Variants in GPATCH2L observed in about 807,000 individuals in gnomAD.
GPATCH2L encodes G patch domain-containing protein 2-like.
Under a neutral mutation model 57.4 loss-of-function variants are expected in GPATCH2L, and 31 were observed. The observed-to-expected ratio is 0.54, with a 90% CI of 0.41 to 0.73. GPATCH2L has a LOEUF of 0.73. Among genes scored for constraint, GPATCH2L ranks in the 30% least tolerant of loss-of-function variants. The pLI is 0.00. For synonymous variants in GPATCH2L, 199 were observed against 210.7 expected, an observed-to-expected ratio of 0.94 and a Z score of 0.48; for missense variants, 481 against 599.9, an observed-to-expected ratio of 0.80 and a Z score of 2.07.
In GPATCH2L at chr14:76,204,498, C is replaced by G. The variant is rs2040353045; in HGVS notation, c.*2647C>G. On this transcript the variant is annotated 3_prime_UTR_variant, in exon 10 of 10. Transcript: ENST00000261530. ...TGCTTGCTTTCTGTATTAACCAGTT[C>G]CAGAGGATAGCCTTAGAAATGAGTG... 6.6e-6 allele frequency: 1 copy of G among 152,108 alleles called. No homozygotes were observed. The highest frequency in any genetic ancestry group is 1.5e-5 in the Non-Finnish European group (1 of 68,030). The allele number at this position is 152,108 out of a possible 1,614,324, so 9.4% of individuals were successfully genotyped here. A position where few individuals can be genotyped will look rare whatever the true frequency, so the allele number is the denominator to read the frequency against.
intron 2 of GPATCH2L, among the ~76,000 whole-genome samples, chr14:76,232,972 G>A (rs1409826506): frequency 6.6e-6 from 1 of 152,126 alleles, no homozygotes; most frequent in African/African-American, 2.4e-5. Context: ...ACTGTCCAGT[G>A]GCCAAGGCCC....
chr14:76,158,826 G>A (rs2038433822), intron 2 of GPATCH2L, among the ~76,000 whole-genome samples: 1 of 152,156 alleles, frequency 6.6e-6, no homozygotes, highest in Non-Finnish European at 1.5e-5. Flanking sequence ...AGTATCCTTA[G>A]GGACAACTAA....
intron 8 of GPATCH2L, among the ~76,000 whole-genome samples, chr14:76,190,593 C>T (rs949862162): frequency 1.1e-4 from 17 of 152,092 alleles, no homozygotes; most frequent in African/African-American, 3.9e-4. Context: ...TCTCTAATTG[C>T]ATATATACTG....
chr14:76,162,286 T>A (rs1182138591), intron 2 of GPATCH2L, among the ~76,000 whole-genome samples: 1 of 152,220 alleles, frequency 6.6e-6, no homozygotes, highest in African/African-American at 2.4e-5. Flanking sequence ...TCAGTCCCTT[T>A]TCACATGGGC....
chr14:76,195,727 T>A, intron 8 of GPATCH2L, 151 bp from the exon 9 acceptor site: 1 of 642,734 alleles, frequency 1.6e-6, no homozygotes, highest in African/African-American at 1.8e-5. Flanking sequence ...TTATTAATTC[T>A]GAATAATGTT....
intron 1 of GPATCH2L, among the ~76,000 whole-genome samples, chr14:76,228,789 G>T (rs1328704540): frequency 6.6e-6 from 1 of 152,166 alleles, no homozygotes; most frequent in African/African-American, 2.4e-5. Flanking sequence ...AGTGGCCTGT[G>T]GGTTGGAGCT....
At chr14:76,184,028 G>A (rs1489097942) in intron 8 of GPATCH2L, among the ~76,000 whole-genome samples, 1 of 14,658 alleles carries the variant, frequency 6.8e-5, no homozygotes, top group African/African-American at 1.2e-4. Flanking sequence ...AGCATGGTGT[G>A]TGTGTGTGTG....
At chr14:76,180,877 G>T in intron 8 of GPATCH2L, 28 bp downstream of exon 8, 1 of 1,349,132 alleles carries the variant, frequency 7.4e-7, no homozygotes. Context: ...GCGGTTATTT[G>T]CTTCTGGACA....
rs772079089 is a variant in GPATCH2L at position 76,195,988 on chromosome 14, T to TA, written c.1288+17dup. Reference sequence around the variant, plus strand: ...CCCAGTGCAGGTGATTACATGCAGTTATCATTTATTGAGCATGTACCGTGT... The same window carrying TA: ...CCCAGTGCAGGTGATTACATGCAGTTAATCATTTATTGAGCATGTACCGTGT... On this transcript the variant is annotated intron_variant, in intron 9 of 9. Coordinates refer to ENST00000261530, the MANE Select transcript of GPATCH2L (RefSeq NM_017926.4). 5.9e-5 allele frequency: 91 copies of TA among 1,540,518 alleles called. No individual in the cohort carries two copies. In the African/African-American group the frequency reaches 1.2e-3, roughly 20 times the overall value.
At chr14:76,195,765 T>C in intron 8 of GPATCH2L, 113 bp from the exon 9 acceptor site, 1 of 752,228 alleles carries the variant, frequency 1.3e-6, no homozygotes, top group Non-Finnish European at 2.3e-6. Flanking sequence ...CAAAAGATGG[T>C]GCCCATTTTG....
At chr14:76,182,311 C>T (rs2039591023) in intron 8 of GPATCH2L, among the ~76,000 whole-genome samples, 1 of 145,240 alleles carries the variant, frequency 6.9e-6, no homozygotes, top group Non-Finnish European at 1.5e-5. Flanking sequence ...GAGCTGAGAT[C>T]GCGCCACTGC....
intron 9 of GPATCH2L, among the ~76,000 whole-genome samples, chr14:76,200,569 G>A (rs1188937009): frequency 6.6e-6 from 1 of 152,110 alleles, no homozygotes; most frequent in Admixed American, 6.5e-5. Flanking sequence ...TTTGAAAGCT[G>A]TTGCCCTCAA....
chr14:76,200,407 T>A (rs2040281213), intron 9 of GPATCH2L, among the ~76,000 whole-genome samples: 1 of 152,194 alleles, frequency 6.6e-6, no homozygotes, highest in South Asian at 2.1e-4. Context: ...TTGGTGACCA[T>A]GTAGGTACAG....
intron 1 of GPATCH2L, chr14:76,153,013 G>C (rs1259956657): frequency 2.1e-5 from 7 of 334,984 alleles, no homozygotes; most frequent in Non-Finnish European, 4.1e-5. Context: ...AAAAGAACTT[G>C]GTCTTGTTTA....
At chr14:76,182,577 C>A (rs1417229499) in intron 8 of GPATCH2L, among the ~76,000 whole-genome samples, 4 of 96,636 alleles carry the variant, frequency 4.1e-5, no homozygotes, top group Non-Finnish European at 6.0e-5. Flanking sequence ...CAGAGTGAGA[C>A]CCTGTCTCAA....
chr14:76,194,771 A>G lies in GPATCH2L; in HGVS notation c.1194-1107A>G, dbSNP rs550304691. 7.2e-4 allele frequency among the ~76,000 whole-genome samples: 109 copies of G among 152,328 alleles called. 1 individual carries two copies. The highest frequency in any genetic ancestry group is 2.3e-3 in the African/African-American group (96 of 41,578). ...TTTTTAAAATTGTGGTAAAATGTAC[A>G]TAATATAAAATTTACTATTTTAATC... On this transcript the variant is annotated intron_variant, in intron 8 of 9. Coordinates refer to ENST00000261530, the MANE Select transcript of GPATCH2L (RefSeq NM_017926.4).
intron 1 of GPATCH2L, among the ~76,000 whole-genome samples, chr14:76,222,094 C>T (rs75054876): frequency 0.022 from 3,376 of 152,174 alleles, 75 homozygotes; most frequent in South Asian, 0.078. Context: ...TCTCTGTACT[C>T]CTGCTCAATT....
At chr14:76,160,402 G>A (rs2038525940) in intron 2 of GPATCH2L, among the ~76,000 whole-genome samples, 1 of 152,104 alleles carries the variant, frequency 6.6e-6, no homozygotes, top group South Asian at 2.1e-4. Context: ...TTGGCAATAG[G>A]CCATCTGTAT....
At chr14:76,174,595 C>G (rs2039237237) in intron 5 of GPATCH2L, 1 of 151,918 alleles carries the variant, frequency 6.6e-6, no homozygotes, top group African/African-American at 2.4e-5. Flanking sequence ...CAGACGAGCC[C>G]AAGATTCTTA....
Sources: gnomAD v4.1 joint callset for allele counts (sites outside exome capture counted in the v4.1 genomes callset) on GRCh38, gnomAD v4.1.1 for gene constraint, MANE v1.5 for transcripts, NCBI Gene and HGNC (gene_info 2026-07-23, HGNC 2026-07-21) for gene names.